The following ANKRD28 variants were observed in gnomAD, a reference collection of about 807,000 sequenced individuals.
ANKRD28 encodes the protein serine/threonine-protein phosphatase 6 regulatory ankyrin repeat subunit A.
Under a neutral mutation model 126.5 loss-of-function variants are expected in ANKRD28, and 44 were observed. That is an observed-to-expected ratio of 0.35 (90% CI 0.27 to 0.45). ANKRD28 has a LOEUF of 0.45. ANKRD28 is among the 20% of genes least tolerant of loss of function. The probability of loss-of-function intolerance (pLI) is 1.00; values close to 1 mark genes in which losing one functional copy is unlikely to be tolerated. For missense variants in ANKRD28, 1,110 were observed against 1,316.6 expected (o/e 0.84, Z 2.43); for synonymous variants, 442 against 468.5 (o/e 0.94, Z 0.73).
At chr3:15,684,972 AG>A (rs1178482352) in intron 21 of ANKRD28, 2 of 455,670 alleles carry the variant, frequency 4.4e-6, no homozygotes, top group African/African-American at 4.0e-5. Flanking sequence ...AAAAAAGAAA[AG>A]AAAAGAAAAG....
chr3:15,739,429 C>T (rs374976506), intron 4 of ANKRD28, among the ~76,000 whole-genome samples: 177 of 152,226 alleles, frequency 1.2e-3, no homozygotes, highest in African/African-American at 4.1e-3. Flanking sequence ...CCTGACTTCC[C>T]GCAACAGTAA....
rs147222950 is a variant in ANKRD28, at chr3:15,770,396, T to C, written c.202-4084A>G. Among the ~76,000 whole-genome samples, 708 of 145,696 alleles carry C rather than the reference T, an allele frequency of 4.9e-3. 9 individuals carry two copies. Among genetic ancestry groups the C allele is most frequent in the African/African-American group, 0.018 (672 of 37,720 alleles). On this transcript the variant is annotated intron_variant, in intron 2 of 27. Coordinates refer to ENST00000683139, the MANE Select transcript of ANKRD28 (RefSeq NM_001349278.2). ...TATCATCCTTAATAATTACTATGTA[T>C]TGAATACATATATATACATATATAT...
At chr3:15,707,022 C>T (rs2126017384) in intron 14 of ANKRD28, among the ~76,000 whole-genome samples, 1 of 152,272 alleles carries the variant, frequency 6.6e-6, no homozygotes, top group South Asian at 2.1e-4. Flanking sequence ...AGAGTTTATA[C>T]TAAATTAACA....
chr3:15,708,837 A>C (rs2470514), intron 13 of ANKRD28, among the ~76,000 whole-genome samples: 101,676 of 152,014 alleles, frequency 0.67, 34,490 homozygotes, highest in East Asian at 0.91. Context: ...TCTCTTCTGC[A>C]CTGGTTCTAT....
intron 11 of ANKRD28, 151 bp downstream of exon 11, chr3:15,711,989 C>A: frequency 1.6e-6 from 1 of 642,710 alleles, no homozygotes. Flanking sequence ...AGCCACCACG[C>A]CAGACCTGAA....
intron 4 of ANKRD28, among the ~76,000 whole-genome samples, chr3:15,747,747 T>C (rs2057576287): frequency 6.6e-6 from 1 of 152,202 alleles, no homozygotes; most frequent in South Asian, 2.1e-4. Flanking sequence ...ATTGTTTCTT[T>C]GTTGACTTTC....
At chr3:15,769,510 G>C (rs2058898487) in intron 2 of ANKRD28, among the ~76,000 whole-genome samples, 1 of 152,042 alleles carries the variant, frequency 6.6e-6, no homozygotes, top group Non-Finnish European at 1.5e-5. Flanking sequence ...CACTGTAGGA[G>C]GCAAAATGCT....
chr3:15,811,284 T>C (rs1337804959), intron 1 of ANKRD28, among the ~76,000 whole-genome samples: 1 of 152,212 alleles, frequency 6.6e-6, no homozygotes, highest in South Asian at 2.1e-4. Flanking sequence ...CAATCACAAA[T>C]AGACTCTATA....
chr3:15,773,598 C>T (rs1275185177), intron 2 of ANKRD28, among the ~76,000 whole-genome samples: 1 of 151,826 alleles, frequency 6.6e-6, no homozygotes, highest in Non-Finnish European at 1.5e-5. Flanking sequence ...GCCTGGGCAA[C>T]AGAGTAAGAC....
At chr3:15,840,120 T>C (rs2125965718) in intron 1 of ANKRD28, among the ~76,000 whole-genome samples, 1 of 152,290 alleles carries the variant, frequency 6.6e-6, no homozygotes, top group East Asian at 1.9e-4. Flanking sequence ...TGTCTGCAGA[T>C]GATATGATCT....
intron 18 of ANKRD28, among the ~76,000 whole-genome samples, chr3:15,687,898 A>G (rs1025009189): frequency 1.3e-5 from 2 of 152,332 alleles, no homozygotes; most frequent in South Asian, 2.1e-4. Flanking sequence ...CCAAACAGCA[A>G]GCACAGCATC....
intron 3 of ANKRD28, among the ~76,000 whole-genome samples, chr3:15,763,595 G>A (rs1461447161): frequency 6.6e-6 from 1 of 152,216 alleles, no homozygotes; most frequent in Non-Finnish European, 1.5e-5. Context: ...GACCAAGGAA[G>A]ATCTTGTTGA....
At position 15,796,646 on chromosome 3, in the gene ANKRD28, T is replaced by TTC. The variant is rs750677523; in HGVS notation, c.-126_-125insGA. 5.0e-6 allele frequency: 5 copies of TTC among 994,708 alleles called. No homozygotes were observed. Among genetic ancestry groups the TTC allele is most frequent in the Non-Finnish European group, 6.0e-6 (5 of 831,996 alleles). The allele number at this position is 994,708 out of a possible 1,614,324, so 61.6% of individuals were successfully genotyped here. On this transcript the variant is annotated 5_prime_UTR_variant, in exon 1 of 28. Transcript: ENST00000683139. ...ATTCTCTGAACAGCACAGCTGGGTT[T>TTC]TTTTTTTTTTTAAAGTTAATAAGTA...
intron 2 of ANKRD28, among the ~76,000 whole-genome samples, chr3:15,786,955 A>T (rs2059810337): frequency 6.6e-6 from 1 of 152,120 alleles, no homozygotes; most frequent in African/African-American, 2.4e-5. Flanking sequence ...TACATTTAAA[A>T]TTTTTTGCTT....
chr3:15,819,597 T>C (rs985139549), intron 1 of ANKRD28, among the ~76,000 whole-genome samples: 2 of 152,194 alleles, frequency 1.3e-5, no homozygotes, highest in African/African-American at 4.8e-5. Flanking sequence ...TGAATAGAGA[T>C]GGAAGAGACA....
chr3:15,704,596 T>C (rs934740182), intron 14 of ANKRD28, among the ~76,000 whole-genome samples: 3 of 152,196 alleles, frequency 2.0e-5, no homozygotes, highest in African/African-American at 7.2e-5. Context: ...TTAGAAAATA[T>C]TTCATTGTTG....
chr3:15,855,200 T>TG (rs1002050718), intron 1 of ANKRD28, among the ~76,000 whole-genome samples: 43 of 152,210 alleles, frequency 2.8e-4, no homozygotes, highest in Non-Finnish European at 1.5e-5. Flanking sequence ...TTTGTGTGTG[T>TG]TTTTTCCCCT....
At chr3:15,732,497 T>C (rs1364365656) in intron 6 of ANKRD28, 2 of 152,132 alleles carry the variant, frequency 1.3e-5, no homozygotes, top group Non-Finnish European at 2.9e-5. Flanking sequence ...TTATCTGCTA[T>C]TTGGTGAGAG....
At position 15,812,156 on chromosome 3, in the gene ANKRD28, AAAC is replaced by A. The variant is rs775777324; in HGVS notation, c.28-16853_28-16851del. 0.037 allele frequency among the ~76,000 whole-genome samples: 5,429 copies of A among 146,188 alleles called. 154 individuals are homozygous for A. The highest frequency in any genetic ancestry group is 0.09 in the South Asian group (405 of 4,490). On this transcript the variant is annotated intron_variant, in intron 1 of 27. Coordinates refer to the ANKRD28 transcript ENST00000399451. The surrounding 1 kb of genome is among the most constrained non-coding windows in gnomAD (Gnocchi z 4.1). ...CAACAGAGTGAGACTCTGGCAAACA[AAAC>A]AAAACAAAACAAAACGAAACCCAAA...
Sources: gnomAD v4.1 joint callset for allele counts (sites outside exome capture counted in the v4.1 genomes callset) on GRCh38, gnomAD v4.1.1 for gene constraint, Gnocchi (gnomAD v3.1) non-coding constraint, MANE v1.5 for transcripts, NCBI Gene and HGNC (gene_info 2026-07-23, HGNC 2026-07-21) for gene names.